RNF152: variants seen among roughly 807,000 people sequenced by gnomAD.
The protein encoded by RNF152 is E3 ubiquitin-protein ligase RNF152.
Under a neutral mutation model 12.7 loss-of-function variants are expected in RNF152, and 11 were observed. That is an observed-to-expected ratio of 0.86 (90% CI 0.54 to 1.43). The LOEUF is 1.43. Ranked by LOEUF, RNF152 falls within the 40% of genes most tolerant of loss-of-function variation. The pLI is 0.00. For synonymous variants in RNF152, 113 were observed against 120.3 expected, an observed-to-expected ratio of 0.94 and a Z score of 0.40; for missense variants, 255 against 274.8, an observed-to-expected ratio of 0.93 and a Z score of 0.51.
At chr18:61,822,248 T>G (rs1342716837) in intron 1 of RNF152, among the ~76,000 whole-genome samples, 1 of 152,096 alleles carries the variant, frequency 6.6e-6, no homozygotes, top group Non-Finnish European at 1.5e-5. Context: ...GCTCCCAAGA[T>G]AGAACTTATT....
In RNF152 at chr18:61,808,136, C is replaced by A. The variant is rs566977461; in HGVS notation, c.*7716G>T. On this transcript the variant is annotated 3_prime_UTR_variant, in exon 2 of 2. Transcript: ENST00000312828. ...ACGGTAGTCATAAAATCAACATTAC[C>A]ACATATACAAAGGACAAGACACCAG... 1 of 151,598 alleles carries A rather than the reference C, an allele frequency of 6.6e-6. No individual in the cohort carries two copies. The highest frequency in any genetic ancestry group is 1.9e-4 in the East Asian group (1 of 5,154). 9.4% of individuals were successfully genotyped at this position (151,598 alleles called of 1,614,324 possible).
Position 61,879,921 on chromosome 18 carries a change from C to T in RNF152, c.-136+12874G>A, listed in dbSNP as rs537440065. On this transcript the variant is annotated intron_variant, in intron 1 of 1. Coordinates refer to ENST00000312828, the MANE Select transcript of RNF152 (RefSeq NM_173557.3). ...CAGAGGTTGCAGTGAGCCGAGATCC[C>T]GCCATTGCACTCCAGCCAGGGCAAC... Among the ~76,000 whole-genome samples, 5 of 151,718 alleles carry T rather than the reference C, an allele frequency of 3.3e-5. No homozygotes were observed. In the South Asian group the frequency reaches 6.2e-4, roughly 19 times the overall value.
intron 1 of RNF152, among the ~76,000 whole-genome samples, chr18:61,839,878 T>A (rs1910375430): frequency 1.3e-5 from 2 of 152,178 alleles, no homozygotes; most frequent in African/African-American, 4.8e-5. Flanking sequence ...TATGTCCCCA[T>A]CATTCTTTGA....
At chr18:61,861,754 G>A (rs1911495272) in intron 1 of RNF152, among the ~76,000 whole-genome samples, 1 of 152,186 alleles carries the variant, frequency 6.6e-6, no homozygotes, top group South Asian at 2.1e-4. Context: ...GGCATGTGCA[G>A]AGATCACATG....
chr18:61,859,693 A>G (rs1261701875), intron 1 of RNF152, among the ~76,000 whole-genome samples: 1 of 152,180 alleles, frequency 6.6e-6, no homozygotes, highest in East Asian at 1.9e-4. Context: ...AGACTGGCCA[A>G]CATGGCGAAA....
chr18:61,815,964 G>A lies in RNF152; in HGVS notation c.500C>T (p.Ser167Leu), dbSNP rs760939402. ...RRGVVKSSTWSGVCTVILVAC... is the reference protein window; with the variant it reads ...RRGVVKSSTWLGVCTVILVAC... ...CACCAAGATGACAGTGCACACCCCC[G>A]ACCAGGTGGAGCTTTTCACCACGCC... The change falls in exon 2 of 2, where the codon TCG becomes TTG. Residue 167 changes from serine (S) to leucine (L), a missense_variant. Physicochemically the swap from Ser to Leu is moderately radical, Grantham distance 145. Coordinates refer to ENST00000312828, the MANE Select transcript of RNF152 (RefSeq NM_173557.3). The A allele has an allele frequency of 2.6e-5, 42 of 1,614,006 alleles. No individual in the cohort carries two copies. Among genetic ancestry groups the A allele is most frequent in the Non-Finnish European group, 3.2e-5 (38 of 1,180,024 alleles).
chr18:61,846,978 A>G (rs530042949), intron 1 of RNF152, among the ~76,000 whole-genome samples: 2 of 152,282 alleles, frequency 1.3e-5, no homozygotes, highest in Admixed American at 1.3e-4. Context: ...TGTGTAACTC[A>G]GGGACAATCA....
intron 1 of RNF152, among the ~76,000 whole-genome samples, chr18:61,879,073 A>G (rs941219622): frequency 2.0e-5 from 3 of 152,210 alleles, no homozygotes; most frequent in African/African-American, 7.2e-5. Context: ...GGAACAAAGT[A>G]TCGAAGAAAG....
chr18:61,880,935 C>T (rs28529692), intron 1 of RNF152, among the ~76,000 whole-genome samples: 74,980 of 141,682 alleles, frequency 0.53, 19,620 homozygotes, highest in East Asian at 0.75. Context: ...TTTTTTGAGA[C>T]GGAGTTTTGC....
chr18:61,815,727 C>CA lies in RNF152; in HGVS notation c.*124dup, dbSNP rs1290703714. 3 of 1,077,662 alleles carry CA rather than the reference C, an allele frequency of 2.8e-6. No homozygotes were observed. The highest frequency in any genetic ancestry group is 3.0e-5 in the South Asian group (2 of 65,712). 66.8% of individuals were successfully genotyped at this position (1,077,662 alleles called of 1,614,324 possible). On this transcript the variant is annotated 3_prime_UTR_variant, in exon 2 of 2. Coordinates refer to ENST00000312828, the MANE Select transcript of RNF152 (RefSeq NM_173557.3). Reference sequence around the variant, plus strand: ...TGTCTGTCTTGGGGTAATCAAGAGGCAACCCAGAGGCCAGCGCTCAGCACC... The same window carrying CA: ...TGTCTGTCTTGGGGTAATCAAGAGGCAAACCCAGAGGCCAGCGCTCAGCACC...
At chr18:61,844,049 AAAAG>A (rs1358251225) in intron 1 of RNF152, among the ~76,000 whole-genome samples, 3 of 129,390 alleles carry the variant, frequency 2.3e-5, no homozygotes, top group South Asian at 5.1e-4. Context: ...AGAAAAAGAA[AAAAG>A]AAAGAGAGAA....
At chr18:61,881,019 T>C (rs2144757265) in intron 1 of RNF152, among the ~76,000 whole-genome samples, 1 of 151,066 alleles carries the variant, frequency 6.6e-6, no homozygotes, top group East Asian at 1.9e-4. Context: ...GTTCAAGCGA[T>C]TCTCCCATCT....
intron 1 of RNF152, among the ~76,000 whole-genome samples, chr18:61,869,843 C>A (rs1355594882): frequency 1.3e-5 from 2 of 152,148 alleles, no homozygotes; most frequent in African/African-American, 4.8e-5. Flanking sequence ...AGCTTTTATG[C>A]ATCCATGAAC....
chr18:61,816,474 G>A lies in RNF152; in HGVS notation c.-11C>T, dbSNP rs199521602. 1 of 1,585,782 alleles carries A rather than the reference G, an allele frequency of 6.3e-7. No homozygotes were observed. The highest frequency in any genetic ancestry group is 8.6e-7 in the Non-Finnish European group (1 of 1,161,180). On this transcript the variant is annotated 5_prime_UTR_variant, in exon 2 of 2. Coordinates refer to ENST00000312828, the MANE Select transcript of RNF152 (RefSeq NM_173557.3). The stretch of plus-strand genomic sequence containing the variant: ...GGACAGCGTCTCCATGGTGGACCGT[G>A]AGCAGGAAGGGCAAGGCCAAGGTGA...
intron 1 of RNF152, among the ~76,000 whole-genome samples, chr18:61,824,465 G>C (rs1909567951): frequency 6.6e-6 from 1 of 152,230 alleles, no homozygotes; most frequent in Admixed American, 6.5e-5. Context: ...TTATCTGTTA[G>C]TGATCTGGCA....
chr18:61,864,159 C>A (rs1055214034), intron 1 of RNF152, among the ~76,000 whole-genome samples: 2 of 152,182 alleles, frequency 1.3e-5, no homozygotes, highest in African/African-American at 4.8e-5. Flanking sequence ...TTGACCCTAA[C>A]TACCCGGAGT....
Position 61,812,226 on chromosome 18 carries a change from T to G in RNF152, c.*3626A>C, listed in dbSNP as rs1025276230. 1.3e-5 allele frequency: 2 copies of G among 152,186 alleles called. No homozygotes were observed. Among genetic ancestry groups the G allele is most frequent in the Non-Finnish European group, 1.5e-5 (1 of 68,034 alleles). 9.4% of individuals were successfully genotyped at this position (152,186 alleles called of 1,614,324 possible). ...AAATTAAATAAAATTTGAAATCCAG[T>G]TCTTCCCTTGTAGTAACCCCATTTT... On this transcript the variant is annotated 3_prime_UTR_variant, in exon 2 of 2. Transcript: ENST00000312828.
intron 1 of RNF152, among the ~76,000 whole-genome samples, chr18:61,876,397 T>G (rs1236144780): frequency 6.6e-6 from 1 of 151,914 alleles, no homozygotes; most frequent in East Asian, 1.9e-4. Context: ...ATGCCAAGAG[T>G]TAGGGAAGAT....
Position 61,810,061 on chromosome 18 carries a change from T to C in RNF152, c.*5791A>G, listed in dbSNP as rs1044483694. On this transcript the variant is annotated 3_prime_UTR_variant, in exon 2 of 2. Transcript: ENST00000312828. ...TGATTAATGGCTTTCCAATAAAATGTATACAGTAGAACCTACCTCTTCATA... is the reference window on the plus strand; with the variant it reads ...TGATTAATGGCTTTCCAATAAAATGCATACAGTAGAACCTACCTCTTCATA... The C allele has an allele frequency of 2.0e-5, 3 of 152,184 alleles. No homozygotes were observed. The highest frequency in any genetic ancestry group is 7.2e-5 in the African/African-American group (3 of 41,452). The allele number at this position is 152,184 out of a possible 1,614,324, so 9.4% of individuals were successfully genotyped here.
Sources: gnomAD v4.1 joint callset for allele counts (sites outside exome capture counted in the v4.1 genomes callset) on GRCh38, gnomAD v4.1.1 for gene constraint, MANE v1.5 for transcripts, NCBI Gene and HGNC (gene_info 2026-07-23, HGNC 2026-07-21) for gene names.